KAZN: variants seen among roughly 807,000 people sequenced by gnomAD.
KAZN encodes the protein kazrin.
KAZN carries 40 observed loss-of-function variants against 87.4 expected under a neutral mutation model. The observed-to-expected ratio is 0.46, with a 90% CI of 0.36 to 0.60. The LOEUF (loss-of-function observed/expected upper bound fraction) is 0.60, where lower values mean the gene tolerates loss of function less well. KAZN is among the 20% of genes least tolerant of loss of function. The pLI is 0.00. For synonymous variants in KAZN, 466 were observed against 458.3 expected (o/e 1.02, Z -0.22); for missense variants, 898 against 1,073.9 (o/e 0.84, Z 2.29).
chr1:14,215,264 T>A (rs1410659895), intron 2 of KAZN, among the ~76,000 whole-genome samples: 1 of 152,228 alleles, frequency 6.6e-6, no homozygotes, highest in Non-Finnish European at 1.5e-5. Flanking sequence ...ATGAGAGCTG[T>A]GTGATTGTCA....
At chr1:14,485,572 A>G (rs1427192004) in intron 2 of KAZN, among the ~76,000 whole-genome samples, 2 of 152,146 alleles carry the variant, frequency 1.3e-5, no homozygotes, top group Admixed American at 6.5e-5. Flanking sequence ...CCCACCCTGC[A>G]TAAACTGCCC....
intron 2 of KAZN, among the ~76,000 whole-genome samples, chr1:14,554,967 A>G (rs1673773198): frequency 6.6e-6 from 1 of 152,254 alleles, no homozygotes; most frequent in South Asian, 2.1e-4. Context: ...TGTTCCCGTA[A>G]GAGTTCCTTA....
intron 4 of KAZN, among the ~76,000 whole-genome samples, chr1:15,054,579 G>A (rs542983846): frequency 3.0e-4 from 45 of 151,896 alleles, no homozygotes; most frequent in African/African-American, 1.1e-3. Context: ...TTGAGCATGG[G>A]AGGTGGAGGT....
chr1:14,052,549 AAC>A (rs1410756538), intron 1 of KAZN, among the ~76,000 whole-genome samples: 2 of 151,990 alleles, frequency 1.3e-5, no homozygotes, highest in African/African-American at 2.4e-5. Flanking sequence ...AAAAAAAAAA[AAC>A]AAGAGAAATT....
chr1:14,305,697 T>TC (rs34734026), intron 2 of KAZN, among the ~76,000 whole-genome samples: 12,195 of 151,844 alleles, frequency 0.08, 956 homozygotes, highest in African/African-American at 0.2. Context: ...CATGACACTT[T>TC]CACTGATCAT....
chr1:14,304,966 A>G (rs1359691854), intron 2 of KAZN, among the ~76,000 whole-genome samples: 2 of 151,628 alleles, frequency 1.3e-5, no homozygotes, highest in African/African-American at 4.8e-5. Flanking sequence ...TTAATTTTAA[A>G]TAAGAAGATA....
intron 1 of KAZN, among the ~76,000 whole-genome samples, chr1:14,654,660 A>G (rs1029428464): frequency 2.0e-5 from 3 of 152,146 alleles, no homozygotes; most frequent in African/African-American, 7.2e-5. Context: ...TCCTCCCTGG[A>G]CAGAGATCAC....
At chr1:14,528,197 G>C (rs1225130743) in intron 2 of KAZN, among the ~76,000 whole-genome samples, 2 of 151,522 alleles carry the variant, frequency 1.3e-5, no homozygotes. Context: ...AATTAGCTGG[G>C]TGTGGTGGTG....
At chr1:14,912,647 C>G (rs537495235) in intron 1 of KAZN, among the ~76,000 whole-genome samples, 1 of 152,184 alleles carries the variant, frequency 6.6e-6, no homozygotes, top group Non-Finnish European at 1.5e-5. Flanking sequence ...TCCCAAAGTG[C>G]TGGGATTATA....
intron 1 of KAZN, among the ~76,000 whole-genome samples, chr1:14,061,308 G>A (rs181126867): frequency 1.3e-5 from 2 of 152,194 alleles, no homozygotes; most frequent in African/African-American, 4.8e-5. Context: ...ACTTTCTGGA[G>A]AGTTAGTGAC....
At chr1:14,624,928 G>A (rs1030298197) in intron 1 of KAZN, among the ~76,000 whole-genome samples, 3 of 152,054 alleles carry the variant, frequency 2.0e-5, no homozygotes, top group African/African-American at 7.2e-5. Context: ...GACATTACCA[G>A]AAACTTCACC....
chr1:14,273,434 T>C (rs1330073148), intron 2 of KAZN, among the ~76,000 whole-genome samples: 1 of 152,194 alleles, frequency 6.6e-6, no homozygotes, highest in African/African-American at 2.4e-5. Context: ...GAACCTCTAA[T>C]TTTTAAATTG....
At chr1:14,576,045 G>A (rs1675157223) in intron 2 of KAZN, among the ~76,000 whole-genome samples, 1 of 152,182 alleles carries the variant, frequency 6.6e-6, no homozygotes, top group Non-Finnish European at 1.5e-5. Context: ...ATCCAGGTTA[G>A]GAGTGGTAGG....
chr1:14,901,545 G>T (rs1000980093), intron 1 of KAZN, among the ~76,000 whole-genome samples: 1 of 152,192 alleles, frequency 6.6e-6, no homozygotes, highest in Admixed American at 6.5e-5. Context: ...TCAGATGGGG[G>T]TGGAGAGGCC....
At chr1:14,778,387 C>A (rs961549270) in intron 1 of KAZN, among the ~76,000 whole-genome samples, 2 of 103,902 alleles carry the variant, frequency 1.9e-5, no homozygotes, top group African/African-American at 7.4e-5. Flanking sequence ...TCTGTTTAAC[C>A]CTTAAGAAAA....
chr1:14,834,568 A>G (rs113441401), intron 1 of KAZN, among the ~76,000 whole-genome samples: 8 of 151,552 alleles, frequency 5.3e-5, no homozygotes, highest in African/African-American at 1.9e-4. Flanking sequence ...TCACCGTGTT[A>G]GCCAGGATGG....
At chr1:14,472,582 C>T (rs889843168) in intron 2 of KAZN, among the ~76,000 whole-genome samples, 2 of 151,998 alleles carry the variant, frequency 1.3e-5, no homozygotes, top group African/African-American at 4.8e-5. Context: ...TCCACACATA[C>T]CTGGAAGTAG....
At chr1:14,121,593 A>G (rs1343228915) in intron 1 of KAZN, among the ~76,000 whole-genome samples, 2 of 152,322 alleles carry the variant, frequency 1.3e-5, no homozygotes, top group East Asian at 1.9e-4. Context: ...AGGACCTACT[A>G]TGGGTCCATT....
chr1:14,923,922 C>G lies in KAZN; in HGVS notation c.227-36762C>G, dbSNP rs1047441238. On this transcript the variant is annotated intron_variant, in intron 1 of 14. Transcript: ENST00000376030. This position sits in a 1 kb window ranked among gnomAD's most constrained non-coding sequence, Gnocchi z 4.2. ...CAGCCACCCCTGTGACATCGGCCGT[C>G]TTTCTGACCCTCCGTGTCCCCGGGA... Among the ~76,000 whole-genome samples the G allele has an allele frequency of 6.6e-6, 1 of 152,122 alleles. No individual in the cohort carries two copies. The highest frequency in any genetic ancestry group is 6.5e-5 in the Admixed American group (1 of 15,288).
Sources: allele counts gnomAD v4.1 joint callset (sites outside exome capture counted in the v4.1 genomes callset), GRCh38; gene constraint gnomAD v4.1.1; non-coding constraint Gnocchi (gnomAD v3.1); transcripts MANE v1.5; gene names NCBI Gene and HGNC (gene_info 2026-07-23, HGNC 2026-07-21).